The following PREX1 variants were observed in gnomAD, a reference collection of about 807,000 sequenced individuals.
PREX1 encodes the protein phosphatidylinositol-3,4,5-trisphosphate dependent Rac exchange factor 1, also known as phosphatidylinositol 3,4,5-trisphosphate-dependent Rac exchanger 1 protein.
Under a neutral mutation model 198.3 loss-of-function variants are expected in PREX1, and 41 were observed. That is an observed-to-expected ratio of 0.21 (90% CI 0.16 to 0.27). The LOEUF (loss-of-function observed/expected upper bound fraction) is 0.27, where lower values mean the gene tolerates loss of function less well. Among genes scored for constraint, PREX1 ranks in the 10% least tolerant of loss-of-function variants. PREX1 has a pLI of 1.00. For synonymous variants in PREX1, 843 were observed against 887.2 expected (o/e 0.95, Z 0.89); for missense variants, 1,620 against 2,200.7 (o/e 0.74, Z 5.28).
At chr20:48,779,381 T>C (rs998556905) in intron 1 of PREX1, among the ~76,000 whole-genome samples, 1 of 152,268 alleles carries the variant, frequency 6.6e-6, no homozygotes, top group Admixed American at 6.5e-5. Context: ...ATCTCTCCTA[T>C]ACTGCTGTGG....
Position 48,688,743 on chromosome 20 carries a change from C to T in PREX1, c.1248G>A (p.Leu416=), listed in dbSNP as rs749378585. The T allele has an allele frequency of 6.2e-7, 1 of 1,614,210 alleles. No homozygotes were observed. The highest frequency in any genetic ancestry group is 1.1e-5 in the South Asian group (1 of 91,084). The change falls in exon 10 of 40, where the codon CTG becomes CTA. Residue 416 remains leucine, a synonymous_variant. Transcript: ENST00000371941. The stretch of plus-strand genomic sequence containing the variant: ...CCTTCTTGTTCATCATCATGTGGTA[C>T]AGCTTCTCCCCCTTCTCCGCAATCA... ...YVMIAEKGEK[L]YHMMMNKKVN...
chr20:48,682,122 T>TC lies in PREX1; in HGVS notation c.1335-788_1335-787insG, dbSNP rs1422098381. Among the ~76,000 whole-genome samples, 12 of 152,252 alleles carry TC rather than the reference T, an allele frequency of 7.9e-5. No homozygotes were observed. In the East Asian group the frequency reaches 2.3e-3, roughly 29 times the overall value. ...CTCACCCCCAATACCTCTCATTAGT[T>TC]ATGCCTAAGCCACACCTACCACCTT... On this transcript the variant is annotated intron_variant, in intron 10 of 39. Transcript: ENST00000371941.
intron 35 of PREX1, 57 bp from the exon 36 acceptor site, chr20:48,630,851 C>T (rs2089308724): frequency 7.3e-7 from 1 of 1,362,806 alleles, no homozygotes; most frequent in Admixed American, 1.7e-5. Context: ...TCCTCCTGCC[C>T]CTACCCAGGT....
At chr20:48,736,561 G>A (rs1328647599) in intron 3 of PREX1, among the ~76,000 whole-genome samples, 1 of 152,168 alleles carries the variant, frequency 6.6e-6, no homozygotes, top group Non-Finnish European at 1.5e-5. Context: ...ATTCCCACTT[G>A]TCTCAAATGG....
Position 48,666,386 on chromosome 20 carries a change from G to A in PREX1, c.1666-31C>T, listed in dbSNP as rs888047502. 1 of 1,530,084 alleles carries A rather than the reference G, an allele frequency of 6.5e-7. No homozygotes were observed. The highest frequency in any genetic ancestry group is 1.4e-5 in the African/African-American group (1 of 72,678). The allele number at this position is 1,530,084 out of a possible 1,614,324, so 94.8% of individuals were successfully genotyped here. A position where few individuals can be genotyped will look rare whatever the true frequency, so the allele number is the denominator to read the frequency against. On this transcript the variant is annotated intron_variant, in intron 14 of 39. Transcript: ENST00000371941. The surrounding 1 kb of genome is among the most constrained non-coding windows in gnomAD (Gnocchi z 4.3). Reference sequence around the variant, plus strand: ...ATGGAACAAGAAGGGGAGGGTGTTAGGTGGCAGCATCCGAGAGGCCATGCA... The same window carrying A: ...ATGGAACAAGAAGGGGAGGGTGTTAAGTGGCAGCATCCGAGAGGCCATGCA...
chr20:48,704,774 T>C (rs2089894590), intron 6 of PREX1, among the ~76,000 whole-genome samples: 1 of 152,216 alleles, frequency 6.6e-6, no homozygotes, highest in African/African-American at 2.4e-5. Flanking sequence ...CAGGCTGGTC[T>C]CAAACTCCTG....
At chr20:48,845,346 T>C in the PREX1 span, among the ~76,000 whole-genome samples, 2 of 152,136 alleles carry the variant, frequency 1.3e-5, no homozygotes, top group African/African-American at 4.8e-5. Flanking sequence ...GAGGCTTCCA[T>C]AGGCAGGTAA....
chr20:48,682,298 C>T (rs377671753), intron 10 of PREX1, among the ~76,000 whole-genome samples: 1 of 152,208 alleles, frequency 6.6e-6, no homozygotes, highest in Non-Finnish European at 1.5e-5. Context: ...TCAGAGAAGC[C>T]TTCCCTGACT....
chr20:48,780,364 T>C (rs1219654834), intron 1 of PREX1, among the ~76,000 whole-genome samples: 3 of 152,018 alleles, frequency 2.0e-5, no homozygotes, highest in Admixed American at 2.0e-4. Context: ...ACACCTATAA[T>C]CCCAGCACTT....
At chr20:48,880,974 C>T in the PREX1 span, among the ~76,000 whole-genome samples, 1 of 87,756 alleles carries the variant, frequency 1.1e-5, no homozygotes, top group Admixed American at 1.4e-4. Context: ...AGAGAGCAAA[C>T]CATTGCTAAA....
At chr20:48,698,126 G>A (rs1358285746) in intron 7 of PREX1, among the ~76,000 whole-genome samples, 2 of 152,162 alleles carry the variant, frequency 1.3e-5, no homozygotes, top group Non-Finnish European at 2.9e-5. Flanking sequence ...AGACACATGC[G>A]CCCTTTCCCT....
Position 48,625,947 on chromosome 20 carries a change from G to A in PREX1, c.4938-20C>T, listed in dbSNP as rs2089268827. 1 of 1,543,274 alleles carries A rather than the reference G, an allele frequency of 6.5e-7. No homozygotes were observed. Among genetic ancestry groups the A allele is most frequent in the South Asian group, 1.2e-5 (1 of 82,726 alleles). On this transcript the variant is annotated intron_variant, in intron 39 of 39. Transcript: ENST00000371941. ...TAGAGGCTGGGGATGGAGGCAAAGAGAATGAGGAGAGGCCGGGGCGGGCCA... is the reference window on the plus strand; with the variant it reads ...TAGAGGCTGGGGATGGAGGCAAAGAAAATGAGGAGAGGCCGGGGCGGGCCA...
intron 1 of PREX1, among the ~76,000 whole-genome samples, chr20:48,805,165 G>A (rs766384969): frequency 3.3e-5 from 5 of 152,200 alleles, no homozygotes; most frequent in Non-Finnish European, 5.9e-5. Context: ...GAGAAGAAAC[G>A]GTGATAGCAG....
chr20:48,705,063 A>C (rs1248211626), intron 6 of PREX1, among the ~76,000 whole-genome samples: 5 of 152,218 alleles, frequency 3.3e-5, no homozygotes, highest in Admixed American at 6.5e-5. Context: ...TCCTCCTGAC[A>C]TGTATTGGGC....
At chr20:48,857,035 C>T in the PREX1 span, among the ~76,000 whole-genome samples, 1 of 152,166 alleles carries the variant, frequency 6.6e-6, no homozygotes. Flanking sequence ...GACAGGGTTT[C>T]ACCATGTTGG....
chr20:48,784,275 C>T (rs901604507), intron 1 of PREX1, among the ~76,000 whole-genome samples: 5 of 152,144 alleles, frequency 3.3e-5, no homozygotes, highest in African/African-American at 9.7e-5. Context: ...GATGTGGCAT[C>T]GTGTAATCAT....
At chr20:48,687,111 C>T (rs1428619707) in intron 10 of PREX1, among the ~76,000 whole-genome samples, 1 of 152,274 alleles carries the variant, frequency 6.6e-6, no homozygotes, top group Non-Finnish European at 1.5e-5. Context: ...CCTCTTCTAT[C>T]CCTTCAGGTT....
chr20:48,799,111 T>C (rs1026854253), intron 1 of PREX1, among the ~76,000 whole-genome samples: 2 of 152,222 alleles, frequency 1.3e-5, no homozygotes, highest in African/African-American at 2.4e-5. Context: ...CTTGAACTCC[T>C]GATCAAGTGA....
intron 8 of PREX1, 34 bp downstream of exon 8, chr20:48,692,638 G>C: frequency 6.4e-7 from 1 of 1,557,748 alleles, no homozygotes; most frequent in South Asian, 1.1e-5. Flanking sequence ...GCAGGGCTCA[G>C]GCAGGGCTCA....
Sources: allele counts gnomAD v4.1 joint callset (sites outside exome capture counted in the v4.1 genomes callset), GRCh38; gene constraint gnomAD v4.1.1; non-coding constraint Gnocchi (gnomAD v3.1); transcripts MANE v1.5; gene names NCBI Gene and HGNC (gene_info 2026-07-23, HGNC 2026-07-21).